DIDO1: variants seen among roughly 807,000 people sequenced by gnomAD.
DIDO1 encodes the protein death inducer-obliterator 1.
In DIDO1, 16 loss-of-function variants were observed where a neutral mutation model predicts 99.4. The ratio of observed to expected loss-of-function variants is 0.16; its 90% CI spans 0.11 to 0.24. DIDO1 has a LOEUF of 0.24. Ranked by LOEUF, DIDO1 falls within the 10% of genes least tolerant of loss-of-function variation. The probability of loss-of-function intolerance (pLI) is 1.00; values close to 1 mark genes in which losing one functional copy is unlikely to be tolerated. For missense variants in DIDO1, 2,996 were observed against 3,014.0 expected, an observed-to-expected ratio of 0.99 and a Z score of 0.14; for synonymous variants, 1,366 against 1,239.1, an observed-to-expected ratio of 1.10 and a Z score of -2.15.
At position 62,882,206 on chromosome 20, in the gene DIDO1, G is replaced by A. The variant is rs370962658; in HGVS notation, c.3750C>T (p.Asp1250=). 69 of 1,613,600 alleles carry A rather than the reference G, an allele frequency of 4.3e-5. No individual in the cohort carries two copies. Among genetic ancestry groups the A allele is most frequent in the Non-Finnish European group, 5.4e-5 (64 of 1,180,032 alleles). Residue 1250 remains aspartate (D), a synonymous_variant, in exon 16 of 16, where the codon GAC becomes GAT. Coordinates refer to ENST00000395343, the MANE Select transcript of DIDO1 (RefSeq NM_001193369.2). ...CAGGAGGTGTGGTGCTGACAGCCGCGTCTGCAGAGCAGAGTGGATACTTGG... is the reference window on the plus strand; with the variant it reads ...CAGGAGGTGTGGTGCTGACAGCCGCATCTGCAGAGCAGAGTGGATACTTGG... ...KPSKYPLCSA[D]AAVSTTPPGS...
rs1279479672 is a variant in DIDO1, at chr20:62,880,031, T to C, written c.5925A>G (p.Pro1975=). ...GCGCCCTTTGGTTTGTGAATCTTGG[T>C]GGTGAATGGACCCTCTGGTCTTCGA... ...QQFEDQRVHS[P]PRFTNQRAPA... is the part of the protein sequence containing the mutation. Residue 1975 remains proline (P), a synonymous_variant, in exon 16 of 16, where the codon CCA becomes CCG. Coordinates refer to ENST00000395343, the MANE Select transcript of DIDO1 (RefSeq NM_001193369.2). 6.2e-7 allele frequency: 1 copy of C among 1,611,364 alleles called. No homozygotes were observed. The highest frequency in any genetic ancestry group is 8.5e-7 in the Non-Finnish European group (1 of 1,179,984).
chr20:62,895,798 T>C (rs2064506355), intron 8 of DIDO1, among the ~76,000 whole-genome samples: 1 of 152,126 alleles, frequency 6.6e-6, no homozygotes. Flanking sequence ...TGGTGAGAAC[T>C]CAAGCAGCCC....
intron 6 of DIDO1, among the ~76,000 whole-genome samples, chr20:62,899,303 G>A (rs2064607982): frequency 6.6e-6 from 1 of 152,202 alleles, no homozygotes; most frequent in African/African-American, 2.4e-5. Context: ...TCGGCAAAAT[G>A]CCTTGGCTGT....
At chr20:62,903,073 T>C (rs995574218) in intron 6 of DIDO1, among the ~76,000 whole-genome samples, 1 of 152,176 alleles carries the variant, frequency 6.6e-6, no homozygotes, top group Non-Finnish European at 1.5e-5. Context: ...TAAGAATTTA[T>C]AAAACCACAA....
chr20:62,887,789 G>A (rs773756431), intron 15 of DIDO1: 11 of 985,280 alleles, frequency 1.1e-5, no homozygotes, highest in South Asian at 9.4e-5. Flanking sequence ...AAGTCCCTGC[G>A]GGGGGCCCTG....
upstream of DIDO1, among the ~76,000 whole-genome samples, chr20:62,930,426 G>A (rs150431814): frequency 6.8e-4 from 103 of 152,282 alleles, 1 homozygote; most frequent in East Asian, 0.019. Flanking sequence ...ATGGAAAAGG[G>A]CCAGGAAACA....
In DIDO1 at chr20:62,910,213, G is replaced by A. The variant is rs2064898536; in HGVS notation, c.840-193C>T. The stretch of plus-strand genomic sequence containing the variant: ...TTTACTTCACCGTTTTTTAAGAGTA[G>A]CGCATTTTAGGAGCAAACTCTAAGG... On this transcript the variant is annotated intron_variant, in intron 3 of 15. Transcript: ENST00000395343. Among the ~76,000 whole-genome samples the A allele has an allele frequency of 2.0e-5, 3 of 152,134 alleles. No individual in the cohort carries two copies. The South Asian group carries it at 6.2e-4, about 32-fold the overall frequency.
intron 1 of DIDO1, among the ~76,000 whole-genome samples, chr20:62,916,205 G>A (rs941106385): frequency 1.3e-5 from 2 of 152,162 alleles, no homozygotes; most frequent in Non-Finnish European, 2.9e-5. Context: ...TATTGTATCA[G>A]TAACAACTTT....
upstream of DIDO1, among the ~76,000 whole-genome samples, chr20:62,928,353 C>G (rs1318663491): frequency 5.9e-5 from 9 of 152,180 alleles, no homozygotes; most frequent in Admixed American, 4.6e-4. Context: ...CTCAGCGATA[C>G]GCAGAATGCC....
chr20:62,895,007 C>G, intron 9 of DIDO1, 42 bp downstream of exon 9: 1 of 1,597,792 alleles, frequency 6.3e-7, no homozygotes, highest in South Asian at 1.1e-5. Context: ...TTCTATTAAG[C>G]TCGAGTCCTG....
In DIDO1 at chr20:62,894,065, T is replaced by A; in HGVS notation, c.2702A>T (p.Glu901Val). Residue 901 changes from glutamate (E) to valine (V), a missense_variant, in exon 12 of 16, where the codon GAG (glutamate) becomes GTG (valine). By Grantham distance (121) the Glu-to-Val change is moderately radical. Around this residue, in one of 5 missense-constraint regions of DIDO1, gnomAD observed 898 missense variants for 972.7 expected, o/e 0.92. Coordinates refer to ENST00000395343, the MANE Select transcript of DIDO1 (RefSeq NM_001193369.2). This position sits in a 1 kb window ranked among gnomAD's most constrained non-coding sequence, Gnocchi z 4.4. ...APDPAPDSADEVMPEAVPEVA... is the reference protein window; with the variant it reads ...APDPAPDSADVVMPEAVPEVA... ...TTCAGGCACAGCCTCCGGCATCACC[T>A]CATCAGCTGAATCCGGAGCTGGGTC... 1 of 1,614,250 alleles carries A rather than the reference T, an allele frequency of 6.2e-7. No homozygotes were observed. The highest frequency in any genetic ancestry group is 8.5e-7 in the Non-Finnish European group (1 of 1,180,044).
At chr20:62,935,993 G>A (rs1715728231) in intron 1 of DIDO1, among the ~76,000 whole-genome samples, 2 of 152,254 alleles carry the variant, frequency 1.3e-5, no homozygotes, top group Admixed American at 6.5e-5. Context: ...GTTGGGAGGA[G>A]GAGCATTAAC....
At chr20:62,908,858 G>A (rs183261216) in intron 4 of DIDO1, among the ~76,000 whole-genome samples, 51 of 152,212 alleles carry the variant, frequency 3.4e-4, no homozygotes, top group African/African-American at 1.2e-3. Context: ...AGCCTCAACT[G>A]CACAAAAAAC....
rs2065189355 is a variant in DIDO1, at chr20:62,923,198, G to C, written c.-200+3241C>G. Among the ~76,000 whole-genome samples, 5 of 151,272 alleles carry C rather than the reference G, an allele frequency of 3.3e-5. No individual in the cohort carries two copies. In the South Asian group the frequency reaches 1.0e-3, roughly 32 times the overall value. On this transcript the variant is annotated intron_variant, in intron 1 of 15. Coordinates refer to ENST00000395343, the MANE Select transcript of DIDO1 (RefSeq NM_001193369.2). Reference sequence around the variant, plus strand: ...CTAATTATTATTATTTTTTTTTTGAGACAGAGTCTCACTGTCGCCCAGGCT... The same window carrying C: ...CTAATTATTATTATTTTTTTTTTGACACAGAGTCTCACTGTCGCCCAGGCT...
At chr20:62,932,699 T>C (rs918126026) in intron 1 of DIDO1, among the ~76,000 whole-genome samples, 5 of 152,166 alleles carry the variant, frequency 3.3e-5, no homozygotes, top group Non-Finnish European at 5.9e-5. Context: ...CAGCAGGAGT[T>C]AAAGGTTTTA....
intron 6 of DIDO1, among the ~76,000 whole-genome samples, chr20:62,897,743 G>A (rs2064569183): frequency 6.6e-6 from 1 of 152,252 alleles, no homozygotes; most frequent in Non-Finnish European, 1.5e-5. Context: ...TATGTCAGTA[G>A]AGAATCAATC....
intron 1 of DIDO1, among the ~76,000 whole-genome samples, chr20:62,936,104 CCTTGCACACTTT>C (rs1468823476): frequency 1.3e-5 from 2 of 152,218 alleles, no homozygotes; most frequent in African/African-American, 4.8e-5. Context: ...TCGTGCATCC[CCTTGCACACTTT>C]CTCCTTGACG....
rs370531620 is a variant in DIDO1, at chr20:62,896,782, G to T, written c.1803C>A (p.Ser601=). 6.2e-7 allele frequency: 1 copy of T among 1,614,102 alleles called. No individual in the cohort carries two copies. ...KGTIPKRPWL[S]ATPSSGASAA... ...CTGAAGCACCACTCGATGGGGTAGCGGAGAGCCATGGCCTCTTGGGGATGG... is the reference window on the plus strand; with the variant it reads ...CTGAAGCACCACTCGATGGGGTAGCTGAGAGCCATGGCCTCTTGGGGATGG... Residue 601 remains serine, a synonymous_variant, in exon 7 of 16, where the codon TCC becomes TCA. Coordinates refer to ENST00000395343, the MANE Select transcript of DIDO1 (RefSeq NM_001193369.2). This position sits in a 1 kb window ranked among gnomAD's most constrained non-coding sequence, Gnocchi z 4.4.
At position 62,896,966 on chromosome 20, in the gene DIDO1, T is replaced by C; in HGVS notation, c.1619A>G (p.Lys540Arg). ...CTTTGAGGCTGCCATGGCTGCCGCT[T>C]TCTCCTCGGACCTCCTGTCTTCCTT... Reference protein sequence around the residue: ...STKEDRRSEEKAAAMAASKKT... With the variant: ...STKEDRRSEERAAAMAASKKT... Residue 540 changes from lysine (K) to arginine (R), a missense_variant, in exon 7 of 16, where the codon AAA (lysine) becomes AGA (arginine). Physicochemically the swap from Lys to Arg is conservative, Grantham distance 26. Around this residue, in one of 5 missense-constraint regions of DIDO1, gnomAD observed 898 missense variants for 972.7 expected, o/e 0.92. Transcript: ENST00000395343. This position sits in a 1 kb window ranked among gnomAD's most constrained non-coding sequence, Gnocchi z 4.4. 6.2e-7 allele frequency: 1 copy of C among 1,613,656 alleles called. No homozygotes were observed. Among genetic ancestry groups the C allele is most frequent in the South Asian group, 1.1e-5 (1 of 91,066 alleles).
Sources: allele counts gnomAD v4.1 joint callset (sites outside exome capture counted in the v4.1 genomes callset), GRCh38; gene constraint gnomAD v4.1.1; regional missense constraint gnomAD v4.1.1; non-coding constraint Gnocchi (gnomAD v3.1); transcripts MANE v1.5; gene names NCBI Gene and HGNC (gene_info 2026-07-23, HGNC 2026-07-21).